Variants in L3MBTL3 observed in about 807,000 individuals in gnomAD.
The protein encoded by L3MBTL3 is lethal(3)malignant brain tumor-like protein 3.
In L3MBTL3, 27 loss-of-function variants were observed where a neutral mutation model predicts 102.3. That is an observed-to-expected ratio of 0.26 (90% CI 0.19 to 0.36). The LOEUF is 0.36. Among genes scored for constraint, L3MBTL3 ranks in the 10% least tolerant of loss-of-function variants. The pLI, the probability that L3MBTL3 is intolerant of heterozygous loss-of-function variation, is 1.00. For synonymous variants in L3MBTL3, 340 were observed against 320.9 expected (o/e 1.06, Z -0.64); for missense variants, 798 against 955.3 (o/e 0.84, Z 2.17).
intron 19 of L3MBTL3, among the ~76,000 whole-genome samples, chr6:130,104,855 C>G (rs1383596114): frequency 6.6e-6 from 1 of 151,378 alleles, no homozygotes. Context: ...AAATTCCAGT[C>G]ATTTTACTGC....
chr6:130,115,785 A>G (rs368088705), intron 19 of L3MBTL3, among the ~76,000 whole-genome samples: 47 of 152,360 alleles, frequency 3.1e-4, no homozygotes, highest in South Asian at 8.3e-4. Flanking sequence ...TTTCCATTCA[A>G]TACAACTGAA....
At chr6:130,074,241 C>G (rs1161293178) in intron 13 of L3MBTL3, among the ~76,000 whole-genome samples, 1 of 152,050 alleles carries the variant, frequency 6.6e-6, no homozygotes, top group Non-Finnish European at 1.5e-5. Flanking sequence ...TGTGTTACTA[C>G]ATGTTTAGTT....
At chr6:130,080,118 G>A (rs1404557238) in intron 14 of L3MBTL3, among the ~76,000 whole-genome samples, 1 of 151,966 alleles carries the variant, frequency 6.6e-6, no homozygotes, top group Non-Finnish European at 1.5e-5. Flanking sequence ...GCCAGGTGAG[G>A]TGGCATGCAC....
At chr6:130,023,425 A>G (rs1198836801) in intron 2 of L3MBTL3, among the ~76,000 whole-genome samples, 1 of 152,228 alleles carries the variant, frequency 6.6e-6, no homozygotes, top group African/African-American at 2.4e-5. Context: ...CAAGAAGAGT[A>G]AAATCAGTTT....
At chr6:130,022,189 T>G (rs1779059038) in intron 1 of L3MBTL3, 38 bp from the exon 2 acceptor site, 1 of 152,196 alleles carries the variant, frequency 6.6e-6, no homozygotes, top group Admixed American at 6.5e-5. Context: ...GATGACAGTG[T>G]TTTGATTTTA....
chr6:130,021,921 G>A (rs1231580773), intron 1 of L3MBTL3, among the ~76,000 whole-genome samples: 1 of 152,086 alleles, frequency 6.6e-6, no homozygotes, highest in Non-Finnish European at 1.5e-5. Context: ...TAATTTTAAA[G>A]ATAAAAGCAG....
chr6:130,050,222 G>A (rs1781008569), intron 5 of L3MBTL3, among the ~76,000 whole-genome samples: 1 of 152,210 alleles, frequency 6.6e-6, no homozygotes, highest in Non-Finnish European at 1.5e-5. Flanking sequence ...ACACTTCACT[G>A]ATTTCTCATT....
chr6:130,079,672 C>T (rs1783188867), intron 14 of L3MBTL3, among the ~76,000 whole-genome samples: 1 of 152,108 alleles, frequency 6.6e-6, no homozygotes, highest in Non-Finnish European at 1.5e-5. Flanking sequence ...GAGCTGTTTT[C>T]GAATGTAGCC....
intron 8 of L3MBTL3, among the ~76,000 whole-genome samples, chr6:130,055,921 C>G (rs1410689872): frequency 1.4e-5 from 2 of 147,266 alleles, no homozygotes; most frequent in Non-Finnish European, 3.0e-5. Flanking sequence ...CTTCCCTTCC[C>G]TCCCCTCCCC....
chr6:130,062,370 A>G (rs959402986), intron 10 of L3MBTL3, among the ~76,000 whole-genome samples: 1 of 149,464 alleles, frequency 6.7e-6, no homozygotes, highest in Non-Finnish European at 1.5e-5. Flanking sequence ...AGACAAACAC[A>G]CGCGCGCACA....
At chr6:130,043,772 C>G (rs1214403929) in intron 3 of L3MBTL3, among the ~76,000 whole-genome samples, 1 of 152,092 alleles carries the variant, frequency 6.6e-6, no homozygotes, top group Non-Finnish European at 1.5e-5. Context: ...CCAAGCCTGC[C>G]CTAGCTCATC....
At chr6:130,084,360 AT>A (rs199867970) in intron 15 of L3MBTL3, among the ~76,000 whole-genome samples, 1,733 of 152,236 alleles carry the variant, frequency 0.011, 28 homozygotes, top group African/African-American at 0.039. Context: ...TATATCAAAT[AT>A]TTATTTTTTT....
chr6:130,084,126 T>G (rs1783530272), intron 15 of L3MBTL3, among the ~76,000 whole-genome samples: 2 of 152,168 alleles, frequency 1.3e-5, no homozygotes, highest in Non-Finnish European at 2.9e-5. Context: ...ATTTTATTGC[T>G]GTAAATCAGC....
rs200713656 is a variant in L3MBTL3 at position 130,066,323 on chromosome 6, A to T, written c.865-30A>T. The T allele has an allele frequency of 8.6e-4, 1,022 of 1,190,960 alleles. 7 individuals carry two copies. The Middle Eastern group carries it at 0.011, about 12-fold the overall frequency. 73.8% of individuals were successfully genotyped at this position (1,190,960 alleles called of 1,614,324 possible). A position where few individuals can be genotyped will look rare whatever the true frequency, so the allele number is the denominator to read the frequency against. On this transcript the variant is annotated intron_variant, in intron 10 of 22. Transcript: ENST00000361794. ...ATATATGAATATTCTGAGTTAAAAA[A>T]AATAATTCAACCTATTTTACCTGTT...
chr6:130,116,307 C>G (rs1785671900), intron 19 of L3MBTL3, among the ~76,000 whole-genome samples: 1 of 152,106 alleles, frequency 6.6e-6, no homozygotes, highest in Non-Finnish European at 1.5e-5. Context: ...GATTTATTAT[C>G]CTTGTTTTAC....
chr6:130,018,969 G>C (rs1446480529), intron 1 of L3MBTL3, among the ~76,000 whole-genome samples: 1 of 151,978 alleles, frequency 6.6e-6, no homozygotes, highest in African/African-American at 2.4e-5. Context: ...GTGCGAGTGT[G>C]AAAGAGGAAC....
intron 20 of L3MBTL3, among the ~76,000 whole-genome samples, chr6:130,124,042 C>T (rs1313097529): frequency 6.6e-6 from 1 of 152,150 alleles, no homozygotes; most frequent in Non-Finnish European, 1.5e-5. Context: ...CAGGATTGGG[C>T]AGACGGAGAA....
intron 10 of L3MBTL3, among the ~76,000 whole-genome samples, chr6:130,065,637 G>C (rs1782197812): frequency 6.6e-6 from 1 of 152,134 alleles, no homozygotes; most frequent in Non-Finnish European, 1.5e-5. Context: ...GTTTCTACTT[G>C]AACACATCTT....
In L3MBTL3 at chr6:130,066,977, G is replaced by A. The variant is rs756618199; in HGVS notation, c.1000+489G>A. Among the ~76,000 whole-genome samples the A allele has an allele frequency of 6.7e-4, 102 of 152,082 alleles. 4 individuals are homozygous for A. The highest frequency in any genetic ancestry group is 5.9e-4 in the Non-Finnish European group (40 of 68,014). On this transcript the variant is annotated intron_variant, in intron 11 of 22. Transcript: ENST00000361794. ...GTAACACTAAAAATTGGCTTAGGTG[G>A]GGGGTTGAACTCATAGCAATTACTT...
Sources: gnomAD v4.1 joint callset for allele counts (sites outside exome capture counted in the v4.1 genomes callset) on GRCh38, gnomAD v4.1.1 for gene constraint, MANE v1.5 for transcripts, NCBI Gene and HGNC (gene_info 2026-07-23, HGNC 2026-07-21) for gene names.